The following ST18 variants were observed in gnomAD, a reference collection of about 807,000 sequenced individuals.
ST18 encodes the protein ST18 C2H2C-type zinc finger transcription factor.
A neutral mutation model predicts 110.0 loss-of-function variants in ST18; 50 were observed. The observed-to-expected ratio is 0.45, with a 90% confidence interval of 0.36 to 0.58. The LOEUF (loss-of-function observed/expected upper bound fraction) is 0.58, where lower values mean the gene tolerates loss of function less well. Among genes scored for constraint, ST18 ranks in the 20% least tolerant of loss-of-function variants. The pLI, the probability that ST18 is intolerant of heterozygous loss-of-function variation, is 0.00. For missense variants in ST18, 1,306 were observed against 1,280.1 expected, an observed-to-expected ratio of 1.02 and a Z score of -0.31; for synonymous variants, 461 against 452.4, an observed-to-expected ratio of 1.02 and a Z score of -0.24.
chr8:52,339,001 C>T (rs1813572067), intron 2 of ST18, among the ~76,000 whole-genome samples: 1 of 152,168 alleles, frequency 6.6e-6, no homozygotes, highest in Non-Finnish European at 1.5e-5. Context: ...ACCTCAGCCT[C>T]CCAAGTAGCT....
chr8:52,212,693 C>G (rs1481624334), intron 7 of ST18, among the ~76,000 whole-genome samples: 1 of 152,040 alleles, frequency 6.6e-6, no homozygotes, highest in African/African-American at 2.4e-5. Context: ...TTATAAATAC[C>G]TGCCTACACA....
At chr8:52,214,293 T>C in intron 6 of ST18, 36 bp from the exon 7 acceptor site, 4 of 1,605,878 alleles carry the variant, frequency 2.5e-6, no homozygotes, top group African/African-American at 1.3e-5. Context: ...GGTCATTCCT[T>C]TGACATTGAC....
chr8:52,359,332 G>GTT (rs547488844), intron 2 of ST18, among the ~76,000 whole-genome samples: 48 of 152,132 alleles, frequency 3.2e-4, no homozygotes, highest in African/African-American at 8.4e-4. Flanking sequence ...CTTTAAAGCT[G>GTT]TTAACTTTAG....
chr8:52,310,343 A>G (rs1357182447), intron 2 of ST18, among the ~76,000 whole-genome samples: 1 of 152,128 alleles, frequency 6.6e-6, no homozygotes, highest in Non-Finnish European at 1.5e-5. Flanking sequence ...GCACACCTAC[A>G]CATGTACATT....
chr8:52,250,475 A>AAAAAAC (rs2094210742), intron 2 of ST18, among the ~76,000 whole-genome samples: 1 of 150,458 alleles, frequency 6.6e-6, no homozygotes, highest in Non-Finnish European at 1.5e-5. Context: ...AAAAAAAAAA[A>AAAAAAC]AAGATCAAAA....
intron 2 of ST18, among the ~76,000 whole-genome samples, chr8:52,276,121 T>TACCATACATCA (rs1564392668): frequency 3.4e-4 from 3 of 8,758 alleles, no homozygotes; most frequent in Non-Finnish European, 5.3e-4. Context: ...ACCGCACCTA[T>TACCATACATCA]CACATACCAC....
chr8:52,275,038 T>C (rs959215614), intron 2 of ST18, among the ~76,000 whole-genome samples: 1 of 152,240 alleles, frequency 6.6e-6, no homozygotes, highest in African/African-American at 2.4e-5. Flanking sequence ...ATGTTACTTA[T>C]TCCTCCAGAT....
At chr8:52,208,155 A>T (rs2080780620) in intron 8 of ST18, among the ~76,000 whole-genome samples, 1 of 152,238 alleles carries the variant, frequency 6.6e-6, no homozygotes, top group South Asian at 2.1e-4. Flanking sequence ...TATTAGTGCC[A>T]TGAAGAATAT....
At chr8:52,346,433 G>A (rs1817811201) in intron 2 of ST18, among the ~76,000 whole-genome samples, 1 of 152,094 alleles carries the variant, frequency 6.6e-6, no homozygotes, top group Non-Finnish European at 1.5e-5. Context: ...GTAGAAAGGA[G>A]GAAATGACAA....
intron 8 of ST18, among the ~76,000 whole-genome samples, chr8:52,191,895 A>T (rs1371596793): frequency 6.6e-6 from 1 of 152,192 alleles, no homozygotes. Flanking sequence ...TCTGAGGAAG[A>T]GGCATGTGGG....
chr8:52,343,869 C>A (rs954277315), intron 2 of ST18, among the ~76,000 whole-genome samples: 1 of 152,122 alleles, frequency 6.6e-6, no homozygotes, highest in African/African-American at 2.4e-5. Flanking sequence ...ACATTTCCTG[C>A]TATTTTAAAG....
At chr8:52,382,975 G>A (rs1835128001) in intron 2 of ST18, among the ~76,000 whole-genome samples, 2 of 152,018 alleles carry the variant, frequency 1.3e-5, no homozygotes, top group Admixed American at 6.6e-5. Flanking sequence ...CAAGGTGCAC[G>A]CTTTCCAGTA....
At chr8:52,351,693 G>A (rs1272719258) in intron 2 of ST18, among the ~76,000 whole-genome samples, 1 of 152,172 alleles carries the variant, frequency 6.6e-6, no homozygotes, top group Non-Finnish European at 1.5e-5. Flanking sequence ...AAAGTTAAAT[G>A]TGATCTTCAA....
At chr8:52,308,807 G>A (rs1235738667) in intron 2 of ST18, among the ~76,000 whole-genome samples, 2 of 152,228 alleles carry the variant, frequency 1.3e-5, no homozygotes, top group Non-Finnish European at 2.9e-5. Context: ...TGTCTGGACT[G>A]TGCCCTCCAT....
intron 8 of ST18, chr8:52,206,300 A>G (rs1167742956): frequency 6.6e-6 from 1 of 152,258 alleles, no homozygotes; most frequent in Non-Finnish European, 1.5e-5. Context: ...ATACACCTTC[A>G]GTGCTAAATG....
intron 8 of ST18, among the ~76,000 whole-genome samples, chr8:52,181,467 T>A (rs2069538020): frequency 6.6e-6 from 1 of 152,114 alleles, no homozygotes; most frequent in Admixed American, 6.5e-5. Context: ...TCATTTCTTC[T>A]AAGAAAGAAG....
chr8:52,363,022 T>C (rs1826351271), intron 2 of ST18, among the ~76,000 whole-genome samples: 1 of 152,124 alleles, frequency 6.6e-6, no homozygotes, highest in African/African-American at 2.4e-5. Flanking sequence ...CCATCCTGGC[T>C]AACATGGTGA....
At chr8:52,117,938 ATACT>A (rs1336496550) in intron 24 of ST18, among the ~76,000 whole-genome samples, 2 of 152,228 alleles carry the variant, frequency 1.3e-5, no homozygotes, top group African/African-American at 2.4e-5. Flanking sequence ...TTTCTAATAA[ATACT>A]TACACATTCA....
At chr8:52,231,479 G>C (rs1330395450) in intron 2 of ST18, among the ~76,000 whole-genome samples, 1 of 151,464 alleles carries the variant, frequency 6.6e-6, no homozygotes, top group Non-Finnish European at 1.5e-5. Context: ...AGGACCACCT[G>C]GGTGGCTTTT....
Sources: gnomAD v4.1 joint callset for allele counts (sites outside exome capture counted in the v4.1 genomes callset) on GRCh38, gnomAD v4.1.1 for gene constraint, MANE v1.5 for transcripts, NCBI Gene and HGNC (gene_info 2026-07-23, HGNC 2026-07-21) for gene names.